CEP126: variants seen among roughly 807,000 people sequenced by gnomAD.
The protein encoded by CEP126 is centrosomal protein 126.
Under a neutral mutation model 107.8 loss-of-function variants are expected in CEP126, and 74 were observed. The observed-to-expected ratio is 0.69, with a 90% CI of 0.57 to 0.83. The LOEUF is 0.83. CEP126 is among the 40% of genes least tolerant of loss of function. The pLI is 0.00. For synonymous variants in CEP126, 449 were observed against 446.0 expected, an observed-to-expected ratio of 1.01 and a Z score of -0.08; for missense variants, 1,237 against 1,281.9, an observed-to-expected ratio of 0.96 and a Z score of 0.53.
intron 2 of CEP126, among the ~76,000 whole-genome samples, chr11:101,941,608 T>G (rs146121818): frequency 4.8e-4 from 73 of 152,256 alleles, no homozygotes; most frequent in African/African-American, 1.5e-3. Context: ...TGAAAATGGG[T>G]ATAAAAATAT....
At chr11:101,981,221 A>G (rs1372413) in intron 7 of CEP126, among the ~76,000 whole-genome samples, 78,983 of 152,062 alleles carry the variant, frequency 0.52, 21,082 homozygotes, top group East Asian at 0.78. Context: ...GCTAATAGTT[A>G]TGATTCACCC....
Position 101,961,895 on chromosome 11 carries a change from A to T in CEP126, c.860A>T (p.Asn287Ile). 6.2e-7 allele frequency: 1 copy of T among 1,613,256 alleles called. No homozygotes were observed. The highest frequency in any genetic ancestry group is 8.5e-7 in the Non-Finnish European group (1 of 1,179,500). The part of the protein sequence containing the change: ...QRNTISLKPA[N>I]MQSTNLSCFD... ...AATACCATTTCCCTCAAACCAGCAAATATGCAATCAACTAATCTCAGCTGC... is the reference window on the plus strand; with the variant it reads ...AATACCATTTCCCTCAAACCAGCAATTATGCAATCAACTAATCTCAGCTGC... The change falls in exon 6 of 11, where the codon AAT becomes ATT. Residue 287 changes from asparagine (N) to isoleucine (I), a missense_variant. Transcript: ENST00000263468.
chr11:101,992,275 G>A (rs1010789708), intron 9 of CEP126, among the ~76,000 whole-genome samples: 3 of 152,062 alleles, frequency 2.0e-5, no homozygotes, highest in Middle Eastern at 3.4e-3. Context: ...TTAAATTTTT[G>A]TTTGATACTT....
chr11:101,918,795 G>C (rs1397557986), intron 1 of CEP126, among the ~76,000 whole-genome samples: 2 of 152,176 alleles, frequency 1.3e-5, no homozygotes, highest in African/African-American at 4.8e-5. Flanking sequence ...ATGTACTCAT[G>C]AAGGTGTCAT....
At chr11:101,982,383 T>C (rs1208082601) in intron 8 of CEP126, among the ~76,000 whole-genome samples, 1 of 152,204 alleles carries the variant, frequency 6.6e-6, no homozygotes, top group Non-Finnish European at 1.5e-5. Flanking sequence ...TCTAGTAGTG[T>C]GTGTCCAGTG....
chr11:101,926,884 A>T (rs1264272048), intron 2 of CEP126, among the ~76,000 whole-genome samples: 16 of 152,180 alleles, frequency 1.1e-4, no homozygotes, highest in Admixed American at 1.0e-3. Context: ...CTCCTCCATT[A>T]TATTATTGTA....
chr11:101,940,409 C>T (rs1940647407), intron 2 of CEP126, among the ~76,000 whole-genome samples: 1 of 152,086 alleles, frequency 6.6e-6, no homozygotes, highest in African/African-American at 2.4e-5. Flanking sequence ...AACATTTCTC[C>T]CCATCTCTAC....
Position 101,915,181 on chromosome 11 carries a change from T to C in CEP126, c.-104T>C, listed in dbSNP as rs1012539266. 1.1e-4 allele frequency: 162 copies of C among 1,524,070 alleles called. No homozygotes were observed. The highest frequency in any genetic ancestry group is 1.3e-4 in the Non-Finnish European group (148 of 1,124,888). The allele number at this position is 1,524,070 out of a possible 1,614,324, so 94.4% of individuals were successfully genotyped here. A position where few individuals can be genotyped will look rare whatever the true frequency, so the allele number is the denominator to read the frequency against. ...CCTTCCGCGCCCGTGACGCGGGGCC[T>C]GAGAGACGGAGTGTAGGGAGGGGCC... On this transcript the variant is annotated 5_prime_UTR_variant, in exon 1 of 11. Transcript: ENST00000263468.
intron 1 of CEP126, among the ~76,000 whole-genome samples, chr11:101,921,911 G>T (rs1940334333): frequency 7.2e-6 from 1 of 138,804 alleles, no homozygotes; most frequent in Non-Finnish European, 1.5e-5. Context: ...TCAGCCTCCT[G>T]AGTAGTTGAG....
chr11:101,963,110 ATTC>A lies in CEP126; in HGVS notation c.2077_2079del (p.Ser693del). The A allele has an allele frequency of 6.2e-7, 1 of 1,614,082 alleles. No individual in the cohort carries two copies. On this transcript the variant is annotated inframe_deletion, in exon 6 of 11. Transcript: ENST00000263468. The stretch of plus-strand genomic sequence containing the variant: ...GCTGATACAAAGAAGTCCAGGGAGG[ATTC>A]TATCTCTGAAAATGTTACGACTTTA...
chr11:101,963,939 G>C, intron 6 of CEP126, 59 bp downstream of exon 6: 2 of 1,151,014 alleles, frequency 1.7e-6, no homozygotes, highest in Non-Finnish European at 2.5e-6. Flanking sequence ...AAAGTCATGT[G>C]AAATTGTTCC....
chr11:101,993,468 CATTTAGGTTG>C (rs1384531717), intron 10 of CEP126, among the ~76,000 whole-genome samples: 3 of 152,156 alleles, frequency 2.0e-5, no homozygotes, highest in African/African-American at 7.2e-5. Context: ...CATTGATGGG[CATTTAGGTTG>C]ATTCCGTGTC....
intron 1 of CEP126, among the ~76,000 whole-genome samples, chr11:101,921,329 T>G (rs1460165916): frequency 6.6e-6 from 1 of 152,216 alleles, no homozygotes; most frequent in Non-Finnish European, 1.5e-5. Flanking sequence ...CTCCATCTAC[T>G]TTCTATTAGT....
At chr11:101,958,399 A>C (rs1940928913) in intron 5 of CEP126, 33 bp downstream of exon 5, 15 of 1,571,072 alleles carry the variant, frequency 9.5e-6, no homozygotes, top group Non-Finnish European at 1.3e-5. Flanking sequence ...TTAATATTTT[A>C]ATTCCTTGCA....
At chr11:101,939,544 CTG>C (rs948520426) in intron 2 of CEP126, among the ~76,000 whole-genome samples, 3 of 152,172 alleles carry the variant, frequency 2.0e-5, no homozygotes, top group Admixed American at 6.5e-5. Flanking sequence ...AAGTCAGAAA[CTG>C]TGAAGGGTCT....
At chr11:101,979,490 G>A (rs898443007) in intron 7 of CEP126, among the ~76,000 whole-genome samples, 2 of 152,162 alleles carry the variant, frequency 1.3e-5, no homozygotes. Flanking sequence ...GCTCATGCCT[G>A]TAGTCCCAGC....
chr11:101,969,500 A>C (rs772994137), intron 6 of CEP126, among the ~76,000 whole-genome samples: 5 of 152,202 alleles, frequency 3.3e-5, no homozygotes, highest in Non-Finnish European at 5.9e-5. Flanking sequence ...AGCAGGGGGA[A>C]GATATGCCAT....
intron 6 of CEP126, among the ~76,000 whole-genome samples, chr11:101,964,705 A>G (rs575940487): frequency 6.6e-6 from 1 of 152,066 alleles, no homozygotes; most frequent in South Asian, 2.1e-4. Context: ...TGACCCAACC[A>G]GTGCTCAACT....
At chr11:101,957,159 CT>C (rs1940910619) in intron 4 of CEP126, among the ~76,000 whole-genome samples, 1 of 151,994 alleles carries the variant, frequency 6.6e-6, no homozygotes, top group African/African-American at 2.4e-5. Context: ...AATCATTGAC[CT>C]TGACTACTCC....
Sources: gnomAD v4.1 joint callset for allele counts (sites outside exome capture counted in the v4.1 genomes callset) on GRCh38, gnomAD v4.1.1 for gene constraint, MANE v1.5 for transcripts, NCBI Gene and HGNC (gene_info 2026-07-23, HGNC 2026-07-21) for gene names.